Variants in BNC2 observed in about 807,000 individuals in gnomAD.
The protein encoded by BNC2 is zinc finger protein basonuclin-2.
A neutral mutation model predicts 76.3 loss-of-function variants in BNC2; 20 were observed. The observed-to-expected ratio is 0.26, with a 90% confidence interval of 0.18 to 0.38. The LOEUF is 0.38. Among genes scored for constraint, BNC2 ranks in the 10% least tolerant of loss-of-function variants. The pLI is 1.00. For synonymous variants in BNC2, 582 were observed against 514.8 expected, an observed-to-expected ratio of 1.13 and a Z score of -1.77; for missense variants, 1,382 against 1,399.8, an observed-to-expected ratio of 0.99 and a Z score of 0.20.
chr9:16,470,478 T>C (rs1030307737), intron 5 of BNC2, among the ~76,000 whole-genome samples: 1 of 152,190 alleles, frequency 6.6e-6, no homozygotes, highest in Non-Finnish European at 1.5e-5. Flanking sequence ...CTCCATGCCA[T>C]GTCAGAGAAC....
chr9:16,683,299 G>C (rs1357803044), intron 3 of BNC2, among the ~76,000 whole-genome samples: 1 of 152,182 alleles, frequency 6.6e-6, no homozygotes, highest in South Asian at 2.1e-4. Flanking sequence ...GGCTCCACCA[G>C]TCATGAGAAC....
At chr9:16,776,344 TG>T (rs1161389833) in intron 1 of BNC2, among the ~76,000 whole-genome samples, 2 of 152,082 alleles carry the variant, frequency 1.3e-5, no homozygotes, top group Non-Finnish European at 2.9e-5. Flanking sequence ...TTCACCATGT[TG>T]CCCAGGCTGG....
intron 1 of BNC2, among the ~76,000 whole-genome samples, chr9:16,754,485 A>C (rs1825317538): frequency 6.6e-6 from 1 of 152,186 alleles, no homozygotes; most frequent in Admixed American, 6.5e-5. Context: ...TGTAAATACA[A>C]ATGGGAGGGT....
intron 3 of BNC2, among the ~76,000 whole-genome samples, chr9:16,701,149 G>A (rs1587330769): frequency 6.6e-6 from 1 of 152,098 alleles, no homozygotes; most frequent in African/African-American, 2.4e-5. Flanking sequence ...TAAAAGATGG[G>A]ACTGTGGCTC....
At chr9:16,733,048 T>A (rs1038541425) in intron 2 of BNC2, among the ~76,000 whole-genome samples, 8 of 152,198 alleles carry the variant, frequency 5.3e-5, no homozygotes, top group Non-Finnish European at 7.3e-5. Flanking sequence ...AAGATACAAA[T>A]TCATATGGCA....
At chr9:16,595,606 AG>A (rs1820043670) in intron 3 of BNC2, among the ~76,000 whole-genome samples, 1 of 152,170 alleles carries the variant, frequency 6.6e-6, no homozygotes, top group African/African-American at 2.4e-5. Flanking sequence ...TCAAATTCAA[AG>A]GGCTAAATTC....
chr9:16,483,029 C>T (rs1311937363), intron 5 of BNC2, among the ~76,000 whole-genome samples: 1 of 152,156 alleles, frequency 6.6e-6, no homozygotes, highest in East Asian at 1.9e-4. Context: ...CCACATCCAA[C>T]AGCATGTAAA....
Position 16,767,301 on chromosome 9 carries a change from CCTT to C in BNC2, c.4-28819_4-28817del, listed in dbSNP as rs1825722342. Among the ~76,000 whole-genome samples, 5 of 152,318 alleles carry C rather than the reference CCTT, an allele frequency of 3.3e-5. No homozygotes were observed. The South Asian group carries it at 1.0e-3, about 32-fold the overall frequency. Reference sequence around the variant, plus strand: ...TGAAATACTGGCAGGCTGGGGAGAACCTTCTCAGTTTGGGCAGTCCTCAGTACT... The same window carrying C: ...TGAAATACTGGCAGGCTGGGGAGAACCTCAGTTTGGGCAGTCCTCAGTACT... On this transcript the variant is annotated intron_variant, in intron 1 of 6. Transcript: ENST00000380672.
intron 5 of BNC2, among the ~76,000 whole-genome samples, chr9:16,490,076 G>C (rs1282269801): frequency 1.3e-5 from 2 of 152,088 alleles, no homozygotes. Context: ...ATTCAAGTAG[G>C]AACCCCTCCA....
chr9:16,657,138 G>C (rs922492633), intron 3 of BNC2, among the ~76,000 whole-genome samples: 2 of 152,098 alleles, frequency 1.3e-5, no homozygotes, highest in African/African-American at 4.8e-5. Flanking sequence ...TGGAGAAACA[G>C]GTGGGCAGTT....
intron 1 of BNC2, among the ~76,000 whole-genome samples, chr9:16,793,777 T>C (rs1817575319): frequency 6.8e-6 from 1 of 146,830 alleles, no homozygotes; most frequent in Non-Finnish European, 1.5e-5. Flanking sequence ...GCCATTCTCC[T>C]GCCTCAGCCT....
chr9:16,670,350 C>T (rs933880808), intron 3 of BNC2, among the ~76,000 whole-genome samples: 2 of 152,186 alleles, frequency 1.3e-5, no homozygotes, highest in Non-Finnish European at 2.9e-5. Context: ...AGGTCTCACT[C>T]TGTCACCCAG....
chr9:16,601,603 T>C (rs543101765), intron 3 of BNC2, among the ~76,000 whole-genome samples: 1 of 152,228 alleles, frequency 6.6e-6, no homozygotes, highest in East Asian at 1.9e-4. Context: ...AAGATCCTAC[T>C]ACACACTCCT....
chr9:16,555,835 C>CA (rs75214735), intron 4 of BNC2, among the ~76,000 whole-genome samples: 29,442 of 152,006 alleles, frequency 0.19, 5,102 homozygotes, highest in African/African-American at 0.46. Flanking sequence ...TTATAAACCA[C>CA]ATAAATATAG....
intron 3 of BNC2, among the ~76,000 whole-genome samples, chr9:16,693,365 A>G (rs1823240014): frequency 6.6e-6 from 1 of 152,176 alleles, no homozygotes; most frequent in South Asian, 2.1e-4. Flanking sequence ...CAGCACACTG[A>G]CAGACAAGAC....
At chr9:16,437,663 A>G in intron 5 of BNC2, 139 bp from the exon 6 acceptor site, 1 of 1,028,718 alleles carries the variant, frequency 9.7e-7, no homozygotes, top group Non-Finnish European at 1.4e-6. Context: ...AAGCACTGTT[A>G]ATAAAAGTCA....
At chr9:16,575,208 T>A (rs1373527714) in intron 4 of BNC2, 1 of 961,282 alleles carries the variant, frequency 1.0e-6, no homozygotes, top group Admixed American at 6.2e-5. Flanking sequence ...GCGACGTGAA[T>A]GTAAACAGTC....
chr9:16,858,570 C>A (rs976552749), intron 1 of BNC2, among the ~76,000 whole-genome samples: 1 of 152,104 alleles, frequency 6.6e-6, no homozygotes, highest in South Asian at 2.1e-4. Flanking sequence ...TCTGGCCAGG[C>A]GCGGTGGCTC....
At chr9:16,853,751 C>T (rs536080477) in intron 1 of BNC2, among the ~76,000 whole-genome samples, 2 of 152,002 alleles carry the variant, frequency 1.3e-5, no homozygotes, top group African/African-American at 4.8e-5. Context: ...ATCTGTAATC[C>T]CAGCTACTCG....
Sources: gnomAD v4.1 joint callset for allele counts (sites outside exome capture counted in the v4.1 genomes callset) on GRCh38, gnomAD v4.1.1 for gene constraint, MANE v1.5 for transcripts, NCBI Gene and HGNC (gene_info 2026-07-23, HGNC 2026-07-21) for gene names.